PPAT: variants seen among roughly 807,000 people sequenced by gnomAD.
PPAT encodes the protein amidophosphoribosyltransferase.
A neutral mutation model predicts 60.2 loss-of-function variants in PPAT; 20 were observed. The observed-to-expected ratio is 0.33, with a 90% CI of 0.23 to 0.48. The LOEUF is 0.48. Among genes scored for constraint, PPAT ranks in the 20% least tolerant of loss-of-function variants. PPAT has a pLI of 0.99. For synonymous variants in PPAT, 194 were observed against 215.1 expected (o/e 0.90, Z 0.86); for missense variants, 349 against 629.6 (o/e 0.55, Z 4.77).
At chr4:56,435,223 A>G (rs1717834987) in intron 1 of PPAT, 127 bp downstream of exon 1, 1 of 1,370,922 alleles carries the variant, frequency 7.3e-7, no homozygotes, top group Admixed American at 2.0e-5. Flanking sequence ...CGCCACAGGC[A>G]GGTACTGGCT....
chr4:56,411,324 T>C (rs928477532), intron 1 of PPAT, among the ~76,000 whole-genome samples: 4 of 152,270 alleles, frequency 2.6e-5, no homozygotes, highest in African/African-American at 9.6e-5. Context: ...TTTATTTAAT[T>C]TGCGTTTTCC....
Position 56,396,763 on chromosome 4 carries a change from A to G in PPAT, c.1237-24T>C. ...ACCTTGGAAAGAAATCATTGCACACAAGGTTTTTAAGACTATGCAAAATTC... is the reference window on the plus strand; with the variant it reads ...ACCTTGGAAAGAAATCATTGCACACGAGGTTTTTAAGACTATGCAAAATTC... On this transcript the variant is annotated intron_variant, in intron 9 of 10. Coordinates refer to ENST00000264220, the MANE Select transcript of PPAT (RefSeq NM_002703.5). The surrounding 1 kb of genome is among the most constrained non-coding windows in gnomAD (Gnocchi z 4.6). The G allele has an allele frequency of 1.9e-6, 3 of 1,597,782 alleles. No individual in the cohort carries two copies. The highest frequency in any genetic ancestry group is 2.6e-6 in the Non-Finnish European group (3 of 1,174,100).
intron 1 of PPAT, chr4:56,416,368 A>G (rs1716750441): frequency 2.3e-6 from 2 of 861,364 alleles, no homozygotes; most frequent in Non-Finnish European, 2.8e-6. Context: ...TGTCAATTGC[A>G]TCAGTAGATA....
intron 1 of PPAT, among the ~76,000 whole-genome samples, chr4:56,410,294 C>T (rs1180265187): frequency 1.3e-5 from 2 of 152,106 alleles, no homozygotes; most frequent in African/African-American, 2.4e-5. Context: ...GAAGTTTTTC[C>T]TTCAGGCTGA....
At chr4:56,405,077 A>C (rs1235341851) in intron 3 of PPAT, among the ~76,000 whole-genome samples, 1 of 151,862 alleles carries the variant, frequency 6.6e-6, no homozygotes, top group Non-Finnish European at 1.5e-5. Flanking sequence ...CTAGGAATGA[A>C]TATAAAGACA....
intron 5 of PPAT, 58 bp downstream of exon 5, chr4:56,402,982 G>C: frequency 6.8e-7 from 1 of 1,461,980 alleles, no homozygotes; most frequent in Non-Finnish European, 9.2e-7. Context: ...GGGCTTGATA[G>C]CAGTAGGACA....
At chr4:56,423,285 T>C (rs1717133964) in intron 1 of PPAT, 1 of 152,230 alleles carries the variant, frequency 6.6e-6, no homozygotes, top group Non-Finnish European at 1.5e-5. Context: ...GATTCTTAGG[T>C]TTCCATAGGC....
At chr4:56,413,558 T>C (rs149095386) in intron 1 of PPAT, among the ~76,000 whole-genome samples, 5 of 152,300 alleles carry the variant, frequency 3.3e-5, no homozygotes, top group Non-Finnish European at 7.4e-5. Flanking sequence ...TGCAAAATTA[T>C]GGAGTATTGA....
intron 1 of PPAT, chr4:56,410,755 A>T (rs1578121172): frequency 7.1e-6 from 7 of 987,418 alleles, no homozygotes; most frequent in Non-Finnish European, 8.4e-6. Context: ...ATAACTCTGG[A>T]GACAGCTCTA....
At chr4:56,416,721 T>A (rs952958825) in intron 1 of PPAT, among the ~76,000 whole-genome samples, 1 of 152,232 alleles carries the variant, frequency 6.6e-6, no homozygotes, top group Non-Finnish European at 1.5e-5. Context: ...ATGAACATGA[T>A]CACTTTAGTG....
intron 1 of PPAT, among the ~76,000 whole-genome samples, chr4:56,424,619 G>T (rs1251149409): frequency 1.3e-5 from 2 of 152,136 alleles, no homozygotes; most frequent in African/African-American, 4.8e-5. Context: ...TAGATCTTTG[G>T]ATCTAAAACA....
At chr4:56,398,218 A>C (rs1487530124) in intron 9 of PPAT, among the ~76,000 whole-genome samples, 2 of 151,978 alleles carry the variant, frequency 1.3e-5, no homozygotes, top group African/African-American at 4.8e-5. Context: ...AAAATACAAA[A>C]ATTAGCCTGG....
chr4:56,405,214 C>T (rs563154384), intron 3 of PPAT, among the ~76,000 whole-genome samples: 3 of 152,126 alleles, frequency 2.0e-5, no homozygotes, highest in Non-Finnish European at 2.9e-5. Flanking sequence ...AAACAGTCTC[C>T]GTCCCTTTTC....
intron 1 of PPAT, chr4:56,408,116 T>G (rs1578118395): frequency 5.8e-6 from 1 of 171,282 alleles, no homozygotes; most frequent in African/African-American, 2.4e-5. Flanking sequence ...TTTTTCTTGT[T>G]CTATACAATG....
chr4:56,407,569 TG>T (rs1716277217), intron 2 of PPAT, 80 bp downstream of exon 2: 1 of 1,147,346 alleles, frequency 8.7e-7, no homozygotes, highest in African/African-American at 1.5e-5. Context: ...CCTCCTGCCT[TG>T]GCCTGCCAAA....
At position 56,393,972 on chromosome 4, in the gene PPAT, G is replaced by A. The variant is rs1715890237; in HGVS notation, c.*1380C>T. 3 of 152,096 alleles carry A rather than the reference G, an allele frequency of 2.0e-5. No individual in the cohort carries two copies. The highest frequency in any genetic ancestry group is 1.3e-4 in the Admixed American group (2 of 15,272). The allele number at this position is 152,096 out of a possible 1,614,324, so 9.4% of individuals were successfully genotyped here. ...CTTGGCCTGCTATAATATAATATGC[G>A]AGACTATATACCAAAGGAAGACAAA... On this transcript the variant is annotated 3_prime_UTR_variant, in exon 11 of 11. Transcript: ENST00000264220.
chr4:56,432,301 G>A (rs978222770), intron 1 of PPAT, among the ~76,000 whole-genome samples: 5 of 152,120 alleles, frequency 3.3e-5, no homozygotes, highest in African/African-American at 4.8e-5. Context: ...ACCGAAGAGG[G>A]TGGATCACTT....
chr4:56,423,930 T>C lies in PPAT; in HGVS notation c.128+11420A>G, dbSNP rs75312314. 5.7e-3 allele frequency among the ~76,000 whole-genome samples: 861 copies of C among 152,268 alleles called. 8 individuals are homozygous for C. The highest frequency in any genetic ancestry group is 0.02 in the African/African-American group (836 of 41,544). The stretch of plus-strand genomic sequence containing the variant: ...CACTCCGCTCTTAGGAAGAATGTAA[T>C]AGAACGTAGTATTGAGGTATAAAAA... On this transcript the variant is annotated intron_variant, in intron 1 of 10. Coordinates refer to ENST00000264220, the MANE Select transcript of PPAT (RefSeq NM_002703.5).
intron 1 of PPAT, among the ~76,000 whole-genome samples, chr4:56,418,696 T>C (rs1716895599): frequency 6.6e-6 from 1 of 152,214 alleles, no homozygotes; most frequent in Admixed American, 6.5e-5. Context: ...AAAGTTAATG[T>C]GCTTGTAAGT....
Sources: gnomAD v4.1 joint callset for allele counts (sites outside exome capture counted in the v4.1 genomes callset) on GRCh38, gnomAD v4.1.1 for gene constraint, Gnocchi (gnomAD v3.1) non-coding constraint, MANE v1.5 for transcripts, NCBI Gene and HGNC (gene_info 2026-07-23, HGNC 2026-07-21) for gene names.